Variants in TAS2R10 observed in about 807,000 individuals in gnomAD.
TAS2R10 encodes the protein taste receptor type 2 member 10.
For synonymous variants in TAS2R10, 144 were observed against 126.6 expected (o/e 1.14, Z -0.92); for missense variants, 385 against 362.0 (o/e 1.06, Z -0.52).
At chr12:10,825,285 G>T (rs1948855441), downstream of TAS2R10, 3 of 1,306,962 alleles carry the variant, frequency 2.3e-6, no homozygotes, top group South Asian at 2.8e-5. Flanking sequence ...CAATGAAACA[G>T]ATCTTCAAGG....
exon 1 of TAS2R10, chr12:10,826,250 C>T (rs1392609087): frequency 1.2e-6 from 2 of 1,609,086 alleles, no homozygotes; most frequent in East Asian, 2.2e-5. Flanking sequence ...AATGAAGATG[C>T]CTTCCACTAC....
exon 1 of TAS2R10, chr12:10,825,611 T>G (rs1386083467): frequency 1.9e-6 from 3 of 1,613,820 alleles, no homozygotes; most frequent in Non-Finnish European, 2.5e-6. Flanking sequence ...CACATGAGCT[T>G]CTGTGTTGGA....
At position 10,825,480 on chromosome 12, in the gene TAS2R10, T is replaced by C. The variant is rs760854480; in HGVS notation, c.790A>G (p.Thr264Ala). 8.1e-6 allele frequency: 13 copies of C among 1,613,754 alleles called. No individual in the cohort carries two copies. The highest frequency in any genetic ancestry group is 9.3e-6 in the Non-Finnish European group (11 of 1,179,778). Reference sequence around the variant, plus strand: ...CCCCAGGGATAGATGGCTGTGGTTGTCATTCCAAACATAAGCAGCAGTTTG... The same window carrying C: ...CCCCAGGGATAGATGGCTGTGGTTGCCATTCCAAACATAAGCAGCAGTTTG... Residue 264 changes from threonine to alanine, a missense_variant, in exon 1 of 1, where the codon ACA (threonine) becomes GCA (alanine). Physicochemically the swap from Thr to Ala is moderately conservative, Grantham distance 58 (BLOSUM62 0). Transcript: ENST00000240619.
At chr12:10,825,583 C>T (rs1948858522) in exon 1 of TAS2R10, 1 of 1,613,488 alleles carries the variant, frequency 6.2e-7, no homozygotes, top group Non-Finnish European at 8.5e-7. Context: ...TGAAAGATAT[C>T]AAAACTTTCA....
chr12:10,825,715 G>C (rs770756532), exon 1 of TAS2R10: 1 of 1,613,518 alleles, frequency 6.2e-7, no homozygotes, highest in Non-Finnish European at 8.5e-7. Context: ...ATAGTGTAAA[G>C]AAGAAAATGA....
Position 10,825,353 on chromosome 12 carries a change from A to T in TAS2R10, c.917T>A (p.Val306Asp), listed in dbSNP as rs765011723. The stretch of plus-strand genomic sequence containing the variant: ...CATCTCTTCCCAAGGTGTCTATGTG[A>T]CTCTGAGATTTTTCCTTTTCTCACA... Residue 306 changes from valine (V) to aspartate (D), a missense_variant, in exon 1 of 1, where the codon GTC becomes GAC. Physicochemically the swap from Val to Asp is radical, Grantham distance 152. Transcript: ENST00000240619. The T allele has an allele frequency of 6.8e-6, 11 of 1,607,234 alleles. No homozygotes were observed. In the South Asian group the frequency reaches 1.2e-4, roughly 18 times the overall value.
Position 10,825,991 on chromosome 12 carries a change from T to C in TAS2R10, c.279A>G (p.Gln93=), listed in dbSNP as rs748377335. 3.1e-6 allele frequency: 5 copies of C among 1,613,554 alleles called. No individual in the cohort carries two copies. The African/African-American group carries it at 4.0e-5, about 13-fold the overall frequency. The change falls in exon 1 of 1, where the codon CAA becomes CAG. Residue 93 remains glutamine (Q), a synonymous_variant. Transcript: ENST00000240619. ...GGCTGGTGGCAAACCACATACTTGA[T>C]TGATTACCAATTACCCAAAAGTAAC...
At chr12:10,826,320 C>T (rs369287921) in exon 1 of TAS2R10, 9 of 1,352,562 alleles carry the variant, frequency 6.7e-6, no homozygotes, top group African/African-American at 2.9e-5. Flanking sequence ...AGATTACCTG[C>T]TGCAGAATGA....
chr12:10,825,874 C>G (rs748551982), exon 1 of TAS2R10: 1 of 1,613,252 alleles, frequency 6.2e-7, no homozygotes, highest in Non-Finnish European at 8.5e-7. Flanking sequence ...AGAATACTAT[C>G]ATGAAGGGAA....
At chr12:10,825,633 C>G in exon 1 of TAS2R10, 1 of 1,613,702 alleles carries the variant, frequency 6.2e-7, no homozygotes, top group Non-Finnish European at 8.5e-7. Context: ...TCTCTCAATC[C>G]TGTCACATTC....
exon 1 of TAS2R10, chr12:10,825,911 C>G (rs763824471): frequency 6.2e-7 from 1 of 1,613,456 alleles, no homozygotes; most frequent in South Asian, 1.1e-5. Context: ...GCTCTTCAAC[C>G]AGAGAAATAT....
exon 1 of TAS2R10, chr12:10,826,076 C>T (rs765283498): frequency 6.2e-7 from 1 of 1,612,942 alleles, no homozygotes; most frequent in East Asian, 2.2e-5. Flanking sequence ...CTGTATAAAT[C>T]CATCTGTAAT....
chr12:10,825,630 A>G (rs138552891), exon 1 of TAS2R10: 1 of 1,613,704 alleles, frequency 6.2e-7, no homozygotes, highest in Non-Finnish European at 8.5e-7. Context: ...GAGTCTCTCA[A>G]TCCTGTCACA....
At chr12:10,825,578 G>A (rs760761523) in exon 1 of TAS2R10, 6 of 1,613,516 alleles carry the variant, frequency 3.7e-6, no homozygotes, top group Middle Eastern at 1.6e-4. Context: ...GATGATGAAA[G>A]ATATCAAAAC....
At chr12:10,825,646 T>C (rs747065050) in exon 1 of TAS2R10, 2 of 1,613,612 alleles carry the variant, frequency 1.2e-6, no homozygotes, top group East Asian at 2.2e-5. Context: ...TCACATTCGA[T>C]TGCATCTGCC....
chr12:10,825,473 G>GTGC, exon 1 of TAS2R10: 1 of 1,613,702 alleles, frequency 6.2e-7, no homozygotes, highest in Non-Finnish European at 8.5e-7. Context: ...ATAGATGGCT[G>GTGC]TGGTTGTCAT....
chr12:10,825,568 G>A (rs748141741), exon 1 of TAS2R10: 1 of 1,613,620 alleles, frequency 6.2e-7, no homozygotes, highest in Admixed American at 1.7e-5. Flanking sequence ...AGATAAAGAG[G>A]ATGATGAAAG....
At chr12:10,826,276 T>C (rs1456630449) in exon 1 of TAS2R10, 1 of 1,572,760 alleles carries the variant, frequency 6.4e-7, no homozygotes, top group Non-Finnish European at 8.7e-7. Context: ...GCATATCTGC[T>C]AATTCTTAAT....
chr12:10,825,890 A>G, exon 1 of TAS2R10: 2 of 1,613,502 alleles, frequency 1.2e-6, no homozygotes, highest in Non-Finnish European at 1.7e-6. Flanking sequence ...GGGAAGAACC[A>G]TATTTGTTCT....
Sources: gnomAD v4.1 joint callset for allele counts on GRCh38, gnomAD v4.1.1 for gene constraint, MANE v1.5 for transcripts, NCBI Gene and HGNC (gene_info 2026-07-23, HGNC 2026-07-21) for gene names.